C19orf44: variants seen among roughly 807,000 people sequenced by gnomAD.
C19orf44 encodes uncharacterized protein C19orf44.
Under a neutral mutation model 50.7 loss-of-function variants are expected in C19orf44, and 43 were observed. The observed-to-expected ratio is 0.85, with a 90% CI of 0.66 to 1.09. The LOEUF is 1.09. C19orf44 is among the 50% of genes least tolerant of loss of function. C19orf44 has a pLI of 0.00. For synonymous variants in C19orf44, 298 were observed against 334.7 expected, an observed-to-expected ratio of 0.89 and a Z score of 1.20; for missense variants, 722 against 836.2, an observed-to-expected ratio of 0.86 and a Z score of 1.68.
chr19:16,512,108 C>T (rs543468687), intron 5 of C19orf44, among the ~76,000 whole-genome samples: 2 of 151,306 alleles, frequency 1.3e-5, no homozygotes, highest in East Asian at 3.9e-4. Context: ...GCCTGACGGG[C>T]CCCCCAGGAG....
chr19:16,499,226 C>CA (rs760581828), intron 1 of C19orf44, among the ~76,000 whole-genome samples: 6 of 152,080 alleles, frequency 3.9e-5, no homozygotes, highest in Non-Finnish European at 8.8e-5. Flanking sequence ...AACAAGCAAA[C>CA]AAGTTTATTC....
intron 4 of C19orf44, among the ~76,000 whole-genome samples, chr19:16,509,247 A>C (rs761563925): frequency 6.6e-6 from 1 of 152,138 alleles, no homozygotes; most frequent in Non-Finnish European, 1.5e-5. Flanking sequence ...TCCATGATGA[A>C]ATGTTAAATG....
intron 4 of C19orf44, among the ~76,000 whole-genome samples, chr19:16,508,676 G>A (rs773320832): frequency 4.6e-5 from 7 of 152,096 alleles, no homozygotes; most frequent in Non-Finnish European, 7.4e-5. Flanking sequence ...GTGAGCCATT[G>A]CCCCCAGGCA....
In C19orf44 at chr19:16,509,877, C is replaced by T; in HGVS notation, c.1528C>T (p.Pro510Ser). ...CTCTTCAAGTGTGAAGACAGACCTTCCACAAACAGCCGAGTCTAGGAAAAA... is the reference window on the plus strand; with the variant it reads ...CTCTTCAAGTGTGAAGACAGACCTTTCACAAACAGCCGAGTCTAGGAAAAA... ...ESSSSVKTDL[P>S]QTAESRKKSG... The change falls in exon 5 of 9, where the codon CCA (proline) becomes TCA (serine). Residue 510 changes from proline (P) to serine (S), a missense_variant. Physicochemically the swap from Pro to Ser is moderately conservative, Grantham distance 74. Transcript: ENST00000221671. 6.2e-7 allele frequency: 1 copy of T among 1,614,254 alleles called. No individual in the cohort carries two copies. The highest frequency in any genetic ancestry group is 8.5e-7 in the Non-Finnish European group (1 of 1,180,048).
chr19:16,503,159 C>G lies in C19orf44; in HGVS notation c.854C>G (p.Ala285Gly). ...TCACACCTGCCAACCTCCCTGGCAG[C>G]AGACAGAACCCTTCACAGCACTCGC... ...QTSHLPTSLA[A>G]DRTLHSTRSR... Residue 285 changes from alanine to glycine, a missense_variant, in exon 3 of 9, where the codon GCA becomes GGA. Transcript: ENST00000221671. The G allele has an allele frequency of 6.2e-7, 1 of 1,614,202 alleles. No individual in the cohort carries two copies. Among genetic ancestry groups the G allele is most frequent in the Non-Finnish European group, 8.5e-7 (1 of 1,180,040 alleles).
In C19orf44 at chr19:16,509,889, G is replaced by A. The variant is rs202160274; in HGVS notation, c.1540G>A (p.Glu514Lys). ...GAAGACAGACCTTCCACAAACAGCC[G>A]AGTCTAGGAAAAAGTCGGGCAGGCA... ...SVKTDLPQTA[E>K]SRKKSGRHVT... Residue 514 changes from glutamate (E) to lysine (K), a missense_variant, in exon 5 of 9, where the codon GAG becomes AAG. By Grantham distance (56) the Glu-to-Lys change is moderately conservative. Transcript: ENST00000221671. 6.1e-5 allele frequency: 98 copies of A among 1,614,238 alleles called. 1 individual carries two copies. The East Asian group carries it at 9.8e-4, about 16-fold the overall frequency.
At chr19:16,508,539 C>G (rs955422588) in intron 4 of C19orf44, among the ~76,000 whole-genome samples, 39 of 152,216 alleles carry the variant, frequency 2.6e-4, no homozygotes, top group Admixed American at 3.3e-4. Context: ...AAGCGTGCAC[C>G]CATGCCTGGC....
intron 4 of C19orf44, 61 bp downstream of exon 4, chr19:16,506,835 TA>T (rs1364275761): frequency 6.6e-5 from 83 of 1,250,726 alleles, no homozygotes; most frequent in South Asian, 2.9e-4. Context: ...TTTTTTTTTT[TA>T]AATTTTTAAA....
At chr19:16,504,612 T>G (rs2122187990) in intron 3 of C19orf44, among the ~76,000 whole-genome samples, 1 of 151,176 alleles carries the variant, frequency 6.6e-6, no homozygotes, top group African/African-American at 2.4e-5. Context: ...TGTTTTTTTT[T>G]TTGTTTGTTT....
At chr19:16,506,824 ATT>A (rs749078832) in intron 4 of C19orf44, 50 bp downstream of exon 4, 23 of 1,218,780 alleles carry the variant, frequency 1.9e-5, no homozygotes, top group Admixed American at 5.0e-5. Flanking sequence ...TGGCTTCAAC[ATT>A]TTTTTTTTTA....
rs886526512 is a variant in C19orf44, at chr19:16,506,203, C to T, written c.1076-498C>T. On this transcript the variant is annotated intron_variant, in intron 3 of 8. Transcript: ENST00000221671. ...TGTTAGCCAGGATGGTCTCGATCTC[C>T]TGACCTTGTGATCTGCCCGCCTCGG... is the stretch of plus-strand genomic sequence containing the variant. Among the ~76,000 whole-genome samples, 3 of 140,668 alleles carry T rather than the reference C, an allele frequency of 2.1e-5. No homozygotes were observed. In the East Asian group the frequency reaches 6.0e-4, roughly 28 times the overall value. 92.3% of individuals were successfully genotyped at this position (140,668 alleles called of 152,430 possible). A position where few individuals can be genotyped will look rare whatever the true frequency, so the allele number is the denominator to read the frequency against.
chr19:16,519,949 G>A lies in C19orf44; in HGVS notation c.*41-145G>A. 1 of 672,242 alleles carries A rather than the reference G, an allele frequency of 1.5e-6. No homozygotes were observed. Among genetic ancestry groups the A allele is most frequent in the South Asian group, 1.8e-5 (1 of 54,378 alleles). The allele number at this position is 672,242 out of a possible 1,614,324, so 41.6% of individuals were successfully genotyped here. A position where few individuals can be genotyped will look rare whatever the true frequency, so the allele number is the denominator to read the frequency against. ...GAGCAGGACACCTCCAACCCAGATG[G>A]TGGTTAGAAAGCAGACCCCAGTTAC... On this transcript the variant is annotated intron_variant, in intron 8 of 8. Coordinates refer to ENST00000221671, the MANE Select transcript of C19orf44 (RefSeq NM_032207.4). The surrounding 1 kb of genome is among the most constrained non-coding windows in gnomAD (Gnocchi z 6.0).
Position 16,501,161 on chromosome 19 carries a change from C to T in C19orf44, c.369C>T (p.Ala123=), listed in dbSNP as rs753970847. 1.8e-5 allele frequency: 29 copies of T among 1,613,972 alleles called. No homozygotes were observed. Among genetic ancestry groups the T allele is most frequent in the South Asian group, 1.2e-4 (11 of 91,084 alleles). The change falls in exon 2 of 9, where the codon GCC becomes GCT. Residue 123 remains alanine (A), a synonymous_variant. Coordinates refer to ENST00000221671, the MANE Select transcript of C19orf44 (RefSeq NM_032207.4). ...LSDTESDSMT[A]DAGLPKRADR... ...ACACGGAATCTGACTCAATGACCGC[C>T]GATGCTGGTCTTCCAAAGAGAGCTG...
At chr19:16,506,496 G>C (rs1343567893) in intron 3 of C19orf44, among the ~76,000 whole-genome samples, 2 of 152,048 alleles carry the variant, frequency 1.3e-5, no homozygotes, top group Admixed American at 1.3e-4. Flanking sequence ...AGGAGGCTGA[G>C]GTGAGAGAAT....
In C19orf44 at chr19:16,514,395, A is replaced by G. The variant is rs578213127; in HGVS notation, c.1736-102A>G. ...CGAGACCCTGTCTCCAGAAAAAAAA[A>G]AAAAGATTTCAGAGAGCAGCCTGGC... On this transcript the variant is annotated intron_variant, in intron 6 of 8. Coordinates refer to ENST00000221671, the MANE Select transcript of C19orf44 (RefSeq NM_032207.4). 1.0e-5 allele frequency: 13 copies of G among 1,273,634 alleles called. No individual in the cohort carries two copies. In the African/African-American group the frequency reaches 1.8e-4, roughly 18 times the overall value. The allele number at this position is 1,273,634 out of a possible 1,614,324, so 78.9% of individuals were successfully genotyped here.
Position 16,509,905 on chromosome 19 carries a change from C to T in C19orf44, c.1556C>T (p.Ser519Leu), listed in dbSNP as rs58659693. 3,632 of 1,614,216 alleles carry T rather than the reference C, an allele frequency of 2.3e-3. 55 individuals carry two copies. In the African/African-American group the frequency reaches 0.041, roughly 18 times the overall value. ...LPQTAESRKK[S>L]GRHVTRVLVK... ...CAAACAGCCGAGTCTAGGAAAAAGTCGGGCAGGCACGTGACAAGAGTGCTT... is the reference window on the plus strand; with the variant it reads ...CAAACAGCCGAGTCTAGGAAAAAGTTGGGCAGGCACGTGACAAGAGTGCTT... Residue 519 changes from serine to leucine, a missense_variant, in exon 5 of 9, where the codon TCG becomes TTG. By Grantham distance (145) the Ser-to-Leu change is moderately radical. Transcript: ENST00000221671.
Position 16,519,063 on chromosome 19 carries a change from G to T in C19orf44, c.*41-1031G>T. On this transcript the variant is annotated intron_variant, in intron 8 of 8. Coordinates refer to ENST00000221671, the MANE Select transcript of C19orf44 (RefSeq NM_032207.4). This position sits in a 1 kb window ranked among gnomAD's most constrained non-coding sequence, Gnocchi z 6.0. ...CTCTCCACAAGTGGAGACGGTGTAA[G>T]AACTGAGCTGTCACTGCAATCTTCC... The T allele has an allele frequency of 8.9e-7, 1 of 1,126,264 alleles. No individual in the cohort carries two copies. The highest frequency in any genetic ancestry group is 1.3e-6 in the Non-Finnish European group (1 of 781,126). 69.8% of individuals were successfully genotyped at this position (1,126,264 alleles called of 1,614,324 possible).
chr19:16,506,912 A>G (rs1451250090), intron 4 of C19orf44, 138 bp downstream of exon 4: 3 of 606,976 alleles, frequency 4.9e-6, no homozygotes, highest in African/African-American at 3.8e-5. Flanking sequence ...GGCTCAAGCA[A>G]TCCTCCCGAT....
At chr19:16,517,432 T>A in intron 8 of C19orf44, 91 bp downstream of exon 8, 1 of 892,332 alleles carries the variant, frequency 1.1e-6, no homozygotes, top group Non-Finnish European at 1.8e-6. Context: ...TGGGGGCAGG[T>A]GGTACTGGGG....
Sources: gnomAD v4.1 joint callset for allele counts (sites outside exome capture counted in the v4.1 genomes callset) on GRCh38, gnomAD v4.1.1 for gene constraint, Gnocchi (gnomAD v3.1) non-coding constraint, MANE v1.5 for transcripts, NCBI Gene and HGNC (gene_info 2026-07-23, HGNC 2026-07-21) for gene names.